MVB12A: variants seen among roughly 807,000 people sequenced by gnomAD.
MVB12A encodes the protein multivesicular body subunit 12A, also known as CIN85/CD2AP family binding protein.
MVB12A carries 30 observed loss-of-function variants against 34.3 expected under a neutral mutation model. The ratio of observed to expected loss-of-function variants is 0.88; its 90% CI spans 0.65 to 1.19. The LOEUF is 1.19. Ranked by LOEUF, MVB12A falls within the 50% of genes most tolerant of loss-of-function variation. The probability of loss-of-function intolerance (pLI) is 0.00; values close to 1 mark genes in which losing one functional copy is unlikely to be tolerated. For synonymous variants in MVB12A, 158 were observed against 158.9 expected (o/e 0.99, Z 0.04); for missense variants, 355 against 369.2 (o/e 0.96, Z 0.31).
intron 8 of MVB12A, 103 bp downstream of exon 8, chr19:17,424,780 C>T (rs2074860080): frequency 6.8e-7 from 1 of 1,467,052 alleles, no homozygotes; most frequent in African/African-American, 1.4e-5. Flanking sequence ...CAGTTTTCCC[C>T]ATCCCCGCTT....
chr19:17,420,521 C>A lies in MVB12A; in HGVS notation c.190-17C>A, dbSNP rs764080276. 1.9e-6 allele frequency: 3 copies of A among 1,600,298 alleles called. No individual in the cohort carries two copies. The highest frequency in any genetic ancestry group is 1.7e-6 in the Non-Finnish European group (2 of 1,167,446). On this transcript the variant is annotated splice_polypyrimidine_tract_variant and intron_variant, in intron 2 of 8. Coordinates refer to ENST00000317040, the MANE Select transcript of MVB12A (RefSeq NM_138401.4). ...CCGCTGCTAGCCACCCTCGCCGTGT[C>A]CCCCTTCCACCCCCAGAACCCGCAG...
Position 17,411,779 on chromosome 19 carries a change from A to G in MVB12A, c.-5+5483A>G, listed in dbSNP as rs575773544. 5.3e-5 allele frequency among the ~76,000 whole-genome samples: 8 copies of G among 150,668 alleles called. No homozygotes were observed. In the South Asian group the frequency reaches 1.7e-3, roughly 32 times the overall value. ...CCAAGGTGCTGGGATTATAGGTGTG[A>G]ACCACTGCACCTGGCTAAGAAAAAA... is the stretch of plus-strand genomic sequence containing the variant. On this transcript the variant is annotated intron_variant, in intron 2 of 6. Transcript: ENST00000528604.
chr19:17,416,222 C>T (rs2074798671), upstream of MVB12A, among the ~76,000 whole-genome samples: 1 of 79,262 alleles, frequency 1.3e-5, no homozygotes, highest in Admixed American at 1.1e-4. Flanking sequence ...GCTGGGATTA[C>T]AGGCGCATGC....
upstream of MVB12A, chr19:17,420,015 G>GGCCC (rs1555735862): frequency 8.0e-4 from 179 of 225,144 alleles, 3 homozygotes; most frequent in South Asian, 3.7e-3. Context: ...GGCAATCTCC[G>GGCCC]CCCCCCCCCC....
intron 3 of MVB12A, 53 bp from the exon 4 acceptor site, chr19:17,422,279 C>T: frequency 2.6e-6 from 4 of 1,567,494 alleles, no homozygotes; most frequent in Non-Finnish European, 2.6e-6. Flanking sequence ...ATCTTTGGGC[C>T]TTCCCACCCC....
At chr19:17,407,936 C>G (rs2074739864) in intron 2 of MVB12A, among the ~76,000 whole-genome samples, 1 of 152,264 alleles carries the variant, frequency 6.6e-6, no homozygotes, top group African/African-American at 2.4e-5. Flanking sequence ...ACCGCTAGAC[C>G]AAGGAGCCCT....
In MVB12A at chr19:17,422,458, G is replaced by C; in HGVS notation, c.413G>C (p.Gly138Ala). 2 of 1,607,874 alleles carry C rather than the reference G, an allele frequency of 1.2e-6. No individual in the cohort carries two copies. The highest frequency in any genetic ancestry group is 1.7e-6 in the Non-Finnish European group (2 of 1,176,300). Residue 138 changes from glycine (G) to alanine (A), a missense_variant and splice_region_variant, in exon 4 of 9, where the codon GGG becomes GCG. Gly to Ala is a moderately conservative substitution (Grantham distance 60). Transcript: ENST00000317040. ...TKTVPGYLRIGDMGGFAIWCK... is the reference protein window; with the variant it reads ...TKTVPGYLRIADMGGFAIWCK... Reference sequence around the variant, plus strand: ...ACAGTGCCTGGATACCTTCGAATAGGGTAGGGCCACCCCCCAGTGTCTAGC... The same window carrying C: ...ACAGTGCCTGGATACCTTCGAATAGCGTAGGGCCACCCCCCAGTGTCTAGC...
At chr19:17,423,874 A>G in intron 6 of MVB12A, 75 bp downstream of exon 6, 2 of 1,554,444 alleles carry the variant, frequency 1.3e-6, no homozygotes, top group South Asian at 1.1e-5. Flanking sequence ...ACCAGGAAGG[A>G]TCTTCCTACT....
chr19:17,410,296 G>A (rs1406626955), intron 2 of MVB12A, among the ~76,000 whole-genome samples: 1 of 149,628 alleles, frequency 6.7e-6, no homozygotes, highest in Non-Finnish European at 1.5e-5. Context: ...TCAGCCTCTG[G>A]CGTAGCTGGG....
At position 17,410,502 on chromosome 19, in the gene MVB12A, A is replaced by ATGTATATG. The variant is rs1428511601; in HGVS notation, c.-5+4207_-5+4208insGTATATGT. Among the ~76,000 whole-genome samples the ATGTATATG allele has an allele frequency of 4.9e-3, 215 of 43,736 alleles. 8 individuals carry two copies. Among genetic ancestry groups the ATGTATATG allele is most frequent in the African/African-American group, 0.019 (207 of 11,142 alleles). The allele number at this position is 43,736 out of a possible 152,430, so 28.7% of individuals were successfully genotyped here. A position where few individuals can be genotyped will look rare whatever the true frequency, so the allele number is the denominator to read the frequency against. On this transcript the variant is annotated intron_variant, in intron 2 of 6. Transcript: ENST00000528604. ...CATTCTTTTGGTTTTAGCTTCATAT[A>ATGTATATG]TATATATATATATATATATATATAT... is the stretch of plus-strand genomic sequence containing the variant.
chr19:17,420,579 G>A lies in MVB12A; in HGVS notation c.231G>A (p.Val77=), dbSNP rs755342163. 1 of 1,614,070 alleles carries A rather than the reference G, an allele frequency of 6.2e-7. No individual in the cohort carries two copies. Among genetic ancestry groups the A allele is most frequent in the Non-Finnish European group, 8.5e-7 (1 of 1,179,940 alleles). The change falls in exon 3 of 9, where the codon GTG becomes GTA. Residue 77 remains valine (V), a synonymous_variant. Coordinates refer to ENST00000317040, the MANE Select transcript of MVB12A (RefSeq NM_138401.4). ...TGGTGGCCGATATCCAGATCGTGGTGGACAAGAGCCCCCTGCCGCTGGGCT... is the reference window on the plus strand; with the variant it reads ...TGGTGGCCGATATCCAGATCGTGGTAGACAAGAGCCCCCTGCCGCTGGGCT... ...ENVVADIQIV[V]DKSPLPLGFS...
intron 2 of MVB12A, among the ~76,000 whole-genome samples, chr19:17,410,529 T>TATATATATATATACACACACACACACAC: frequency 1.3e-5 from 1 of 74,446 alleles, no homozygotes; most frequent in African/African-American, 6.6e-5. Context: ...TATATATATA[T>TATATATATATATACACACACACACACAC]ACACACACAC....
At chr19:17,414,752 C>G (rs1441073625) in intron 2 of MVB12A, 1 of 151,782 alleles carries the variant, frequency 6.6e-6, no homozygotes, top group Non-Finnish European at 1.5e-5. Flanking sequence ...GTCTATAATC[C>G]CAGCTACTCG....
chr19:17,424,207 T>C, intron 7 of MVB12A, 140 bp downstream of exon 7: 2 of 784,772 alleles, frequency 2.5e-6, no homozygotes, highest in Non-Finnish European at 4.2e-6. Context: ...AGGTGGCAGC[T>C]GGAAGGTCTT....
Position 17,420,573 on chromosome 19 carries a change from C to A in MVB12A, c.225C>A (p.Ile75=). 1.2e-6 allele frequency: 2 copies of A among 1,614,022 alleles called. No individual in the cohort carries two copies. The highest frequency in any genetic ancestry group is 1.1e-5 in the South Asian group (1 of 91,082). ...AGAACGTGGTGGCCGATATCCAGAT[C>A]GTGGTGGACAAGAGCCCCCTGCCGC... is the stretch of plus-strand genomic sequence containing the variant. ...PQENVVADIQ[I]VVDKSPLPLG... is the part of the protein sequence containing the mutation. Residue 75 remains isoleucine (I), a synonymous_variant, in exon 3 of 9, where the codon ATC becomes ATA. Coordinates refer to ENST00000317040, the MANE Select transcript of MVB12A (RefSeq NM_138401.4).
intron 4 of MVB12A, 106 bp from the exon 5 acceptor site, chr19:17,423,392 G>T: frequency 1.6e-4 from 190 of 1,176,650 alleles, no homozygotes; most frequent in Middle Eastern, 3.1e-4. Context: ...TCCCCCAAAA[G>T]ACAGAGGTCA....
At position 17,422,464 on chromosome 19, in the gene MVB12A, G is replaced by T. The variant is rs2074844538; in HGVS notation, c.413+6G>T. ...CCTGGATACCTTCGAATAGGGTAGG[G>T]CCACCCCCCAGTGTCTAGCCACCTT... On this transcript the variant is annotated splice_donor_region_variant and intron_variant, in intron 4 of 8. Coordinates refer to ENST00000317040, the MANE Select transcript of MVB12A (RefSeq NM_138401.4). 1.9e-6 allele frequency: 3 copies of T among 1,605,334 alleles called. No homozygotes were observed. The highest frequency in any genetic ancestry group is 2.6e-6 in the Non-Finnish European group (3 of 1,174,794).
chr19:17,408,380 A>T (rs926022683), intron 2 of MVB12A, among the ~76,000 whole-genome samples: 4 of 150,096 alleles, frequency 2.7e-5, no homozygotes, highest in African/African-American at 4.9e-5. Flanking sequence ...ATCCCTATTT[A>T]AAAATAAATA....
At chr19:17,412,487 A>G (rs2074775501) in intron 2 of MVB12A, among the ~76,000 whole-genome samples, 1 of 151,916 alleles carries the variant, frequency 6.6e-6, no homozygotes, top group South Asian at 2.1e-4. Context: ...GGCTGGTCTC[A>G]AACTCCTGGC....
Sources: gnomAD v4.1 joint callset for allele counts (sites outside exome capture counted in the v4.1 genomes callset) on GRCh38, gnomAD v4.1.1 for gene constraint, MANE v1.5 for transcripts, NCBI Gene and HGNC (gene_info 2026-07-23, HGNC 2026-07-21) for gene names.